Variants in AGT observed in about 807,000 individuals in gnomAD.
The protein encoded by AGT is angiotensinogen.
AGT carries 26 observed loss-of-function variants against 28.1 expected under a neutral mutation model. The ratio of observed to expected loss-of-function variants is 0.92; its 90% CI spans 0.68 to 1.28. The LOEUF is 1.28. Among genes scored for constraint, AGT ranks in the 50% most tolerant of loss-of-function variants. AGT has a pLI of 0.00. For missense variants in AGT, 596 were observed against 592.3 expected (o/e 1.01, Z -0.06); for synonymous variants, 259 against 259.6 (o/e 1.00, Z 0.02).
At chr1:230,714,220 C>G (rs910779851), upstream of AGT, 2 of 152,316 alleles carry the variant, frequency 1.3e-5, no homozygotes, top group African/African-American at 4.8e-5. Flanking sequence ...GGTTACATCA[C>G]TTGGCCAGAC....
chr1:230,710,883 G>T (rs368777085), intron 1 of AGT, 30 bp from the exon 2 acceptor site: 15 of 1,605,956 alleles, frequency 9.3e-6, no homozygotes, highest in Non-Finnish European at 1.2e-5. Flanking sequence ...AGGGTGAAAG[G>T]TGGTTATTAA....
intron 2 of AGT, among the ~76,000 whole-genome samples, chr1:230,708,828 G>A (rs773383122): frequency 1.6e-4 from 25 of 152,228 alleles, no homozygotes; most frequent in Admixed American, 3.9e-4. Flanking sequence ...GCAGGCTTCC[G>A]GGATGACCTC....
In AGT at chr1:230,731,293, C is replaced by A. The variant is rs116531562; in HGVS notation, c.-31+14222G>T. Among the ~76,000 whole-genome samples the A allele has an allele frequency of 3.2e-3, 480 of 152,294 alleles. 4 individuals are homozygous for A. Among genetic ancestry groups the A allele is most frequent in the African/African-American group, 0.011 (439 of 41,552 alleles). On this transcript the variant is annotated intron_variant, in intron 1 of 4. Coordinates refer to the AGT transcript ENST00000681269. ...AGTGCAGGGGTGGCTTCTAGCGGTC[C>A]CACAGGCCTCCCAACCCGATTCTCT... is the stretch of plus-strand genomic sequence containing the variant.
intron 1 of AGT, among the ~76,000 whole-genome samples, chr1:230,744,254 G>A (rs1318552370): frequency 6.6e-6 from 1 of 152,206 alleles, no homozygotes; most frequent in Admixed American, 6.5e-5. Flanking sequence ...AGAAGTGAAG[G>A]TTTGGAAAAC....
chr1:230,745,573 G>T (rs1180790448), exon 1 of AGT, among the ~76,000 whole-genome samples: 2 of 152,190 alleles, frequency 1.3e-5, no homozygotes, highest in Admixed American at 6.5e-5. Flanking sequence ...CCTGGTGAGG[G>T]TCTACTTTCT....
intron 1 of AGT, among the ~76,000 whole-genome samples, chr1:230,742,414 C>A (rs1025988815): frequency 2.6e-5 from 4 of 152,320 alleles, no homozygotes; most frequent in African/African-American, 9.6e-5. Flanking sequence ...CTCCCGGGTT[C>A]AAGCAATTCT....
intron 1 of AGT, among the ~76,000 whole-genome samples, chr1:230,734,622 G>T (rs1220530676): frequency 1.3e-5 from 2 of 152,036 alleles, no homozygotes; most frequent in Non-Finnish European, 1.5e-5. Flanking sequence ...GTGTGTGTGT[G>T]TGTGTGTGTT....
At chr1:230,728,494 A>G (rs544789461) in intron 1 of AGT, among the ~76,000 whole-genome samples, 1 of 152,236 alleles carries the variant, frequency 6.6e-6, no homozygotes, top group South Asian at 2.1e-4. Context: ...CAAGAAGGAG[A>G]TGGTTAGGTC....
At chr1:230,735,099 G>A (rs61826454) in intron 1 of AGT, among the ~76,000 whole-genome samples, 10,116 of 152,150 alleles carry the variant, frequency 0.066, 415 homozygotes, top group African/African-American at 0.1. Flanking sequence ...CGTTGCTCAT[G>A]GAGGACTGCG....
At chr1:230,712,859 C>T (rs1663636748) in intron 1 of AGT, among the ~76,000 whole-genome samples, 1 of 152,110 alleles carries the variant, frequency 6.6e-6, no homozygotes, top group South Asian at 2.1e-4. Context: ...CTGAGTGCCC[C>T]TCCGCCTTCT....
chr1:230,709,890 C>A, intron 2 of AGT, 105 bp downstream of exon 2: 1 of 1,537,406 alleles, frequency 6.5e-7, no homozygotes, highest in Non-Finnish European at 9.0e-7. Flanking sequence ...CCAGGTATGT[C>A]CGCAGGGCTG....
At chr1:230,717,185 T>G (rs1663754171), upstream of AGT, among the ~76,000 whole-genome samples, 1 of 151,384 alleles carries the variant, frequency 6.6e-6, no homozygotes, top group Admixed American at 6.6e-5. Context: ...AAAGTATAGC[T>G]CTTTTTCAAA....
At position 230,704,241 on chromosome 1, in the gene AGT, G is replaced by A. The variant is rs764635248; in HGVS notation, c.1194C>T (p.Thr398=). 2.5e-5 allele frequency: 41 copies of A among 1,614,104 alleles called. No homozygotes were observed. Among genetic ancestry groups the A allele is most frequent in the Middle Eastern group, 1.6e-4 (1 of 6,084 alleles). ...AQAELPAILH[T]ELNLQKLSND... is the part of the protein sequence containing the mutation. ...TGCTCAATTTTTGCAGGTTCAGCTCGGTGTGCAGAATGGCGGGCAGCTCAG... is the reference window on the plus strand; with the variant it reads ...TGCTCAATTTTTGCAGGTTCAGCTCAGTGTGCAGAATGGCGGGCAGCTCAG... Residue 398 remains threonine, a synonymous_variant, in exon 4 of 5, where the codon ACC becomes ACT. Transcript: ENST00000366667.
chr1:230,706,316 C>G (rs61762533), intron 2 of AGT, 116 bp from the exon 3 acceptor site: 245 of 1,212,756 alleles, frequency 2.0e-4, no homozygotes, highest in Non-Finnish European at 2.7e-4. Context: ...AGCCTCCTTC[C>G]TTGGCCCCCC....
chr1:230,722,181 G>A (rs1218251769), intron 1 of AGT, among the ~76,000 whole-genome samples: 3 of 152,260 alleles, frequency 2.0e-5, no homozygotes, highest in Non-Finnish European at 4.4e-5. Context: ...TTGCTTCAGA[G>A]GGTGCAAGCC....
chr1:230,732,075 CT>C (rs899685309), intron 1 of AGT, among the ~76,000 whole-genome samples: 5 of 152,032 alleles, frequency 3.3e-5, no homozygotes, highest in African/African-American at 4.8e-5. Flanking sequence ...TGCACCACCC[CT>C]ATCTTCTCTA....
chr1:230,744,190 C>T (rs949848957), intron 1 of AGT, among the ~76,000 whole-genome samples: 1 of 152,162 alleles, frequency 6.6e-6, no homozygotes, highest in Non-Finnish European at 1.5e-5. Flanking sequence ...GTGTGCAAGG[C>T]CTGGTAGACC....
rs1054174651 is a variant in AGT at position 230,724,903 on chromosome 1, C to T, written c.-30-14050G>A. Among the ~76,000 whole-genome samples the T allele has an allele frequency of 4.6e-5, 7 of 152,232 alleles. No individual in the cohort carries two copies. The East Asian group carries it at 1.4e-3, about 29-fold the overall frequency. ...GAGCCTGAGACATTGGACTTGACTA[C>T]AGCAGGGGAAAAATAAAACAAAAGG... On this transcript the variant is annotated intron_variant, in intron 1 of 4. Transcript: ENST00000681269.
chr1:230,731,507 G>A (rs1664061285), intron 1 of AGT, among the ~76,000 whole-genome samples: 1 of 152,158 alleles, frequency 6.6e-6, no homozygotes, highest in South Asian at 2.1e-4. Context: ...TCTCTCTACA[G>A]CCTTGGACCA....
Sources: allele counts gnomAD v4.1 joint callset (sites outside exome capture counted in the v4.1 genomes callset), GRCh38; gene constraint gnomAD v4.1.1; transcripts MANE v1.5; gene names NCBI Gene and HGNC (gene_info 2026-07-23, HGNC 2026-07-21).